TSHZ1: variants seen among roughly 807,000 people sequenced by gnomAD.
TSHZ1 encodes the protein teashirt zinc finger homeobox 1, also known as teashirt homolog 1.
TSHZ1 carries 12 observed loss-of-function variants against 67.1 expected under a neutral mutation model. The observed-to-expected ratio is 0.18, with a 90% CI of 0.11 to 0.29. The LOEUF (loss-of-function observed/expected upper bound fraction) is 0.29, where lower values mean the gene tolerates loss of function less well. Among genes scored for constraint, TSHZ1 ranks in the 10% least tolerant of loss-of-function variants. The pLI is 1.00. For missense variants in TSHZ1, 1,305 were observed against 1,413.9 expected, an observed-to-expected ratio of 0.92 and a Z score of 1.23; for synonymous variants, 632 against 622.4, an observed-to-expected ratio of 1.02 and a Z score of -0.23.
At position 75,288,648 on chromosome 18, in the gene TSHZ1, G is replaced by A; in HGVS notation, c.*7G>A. ...TGAGTTGGAGAAACAGTAGCGTCCA[G>A]GTATGCAAGAGACCGCGGAACATTG... On this transcript the variant is annotated 3_prime_UTR_variant, in exon 2 of 2. Transcript: ENST00000580243. The surrounding 1 kb of genome is among the most constrained non-coding windows in gnomAD (Gnocchi z 4.9). The A allele has an allele frequency of 3.2e-6, 5 of 1,576,892 alleles. No homozygotes were observed. The East Asian group carries it at 1.1e-4, about 35-fold the overall frequency.
intron 1 of TSHZ1, among the ~76,000 whole-genome samples, chr18:75,276,594 A>G (rs1365108974): frequency 2.0e-5 from 3 of 152,352 alleles, no homozygotes; most frequent in Non-Finnish European, 4.4e-5. Context: ...AGATTCTACA[A>G]TGAATCGAAG....
chr18:75,213,776 T>C (rs1162463274), intron 1 of TSHZ1, among the ~76,000 whole-genome samples: 1 of 152,220 alleles, frequency 6.6e-6, no homozygotes, highest in Non-Finnish European at 1.5e-5. Flanking sequence ...GGCACATATA[T>C]CATTGGCTTT....
intron 1 of TSHZ1, among the ~76,000 whole-genome samples, chr18:75,264,260 C>T (rs947890849): frequency 6.6e-6 from 1 of 152,172 alleles, no homozygotes; most frequent in Admixed American, 6.5e-5. Context: ...AATATGTCAT[C>T]CAGTAAATAT....
At chr18:75,270,431 C>A (rs909824887) in intron 1 of TSHZ1, among the ~76,000 whole-genome samples, 3 of 152,224 alleles carry the variant, frequency 2.0e-5, no homozygotes, top group Non-Finnish European at 4.4e-5. Flanking sequence ...GCTGGTTGAG[C>A]AGATATTCTG....
chr18:75,233,424 A>G (rs768248905), intron 1 of TSHZ1, among the ~76,000 whole-genome samples: 31 of 152,240 alleles, frequency 2.0e-4, no homozygotes, highest in Non-Finnish European at 3.5e-4. Flanking sequence ...AAATATAGTG[A>G]CAATACTAAA....
chr18:75,228,455 T>C (rs150183591), intron 1 of TSHZ1, among the ~76,000 whole-genome samples: 1 of 152,328 alleles, frequency 6.6e-6, no homozygotes, highest in African/African-American at 2.4e-5. Context: ...GTTAAGATGC[T>C]ATTTATTTGA....
chr18:75,231,366 G>A (rs894053882), intron 1 of TSHZ1, among the ~76,000 whole-genome samples: 1 of 152,220 alleles, frequency 6.6e-6, no homozygotes, highest in African/African-American at 2.4e-5. Flanking sequence ...CAGTTGCTTG[G>A]TGTGAGTCCT....
intron 1 of TSHZ1, among the ~76,000 whole-genome samples, chr18:75,230,966 T>TA (rs908623618): frequency 2.6e-5 from 4 of 152,064 alleles, no homozygotes; most frequent in Admixed American, 6.6e-5. Flanking sequence ...ATAAGCCAGT[T>TA]AAAAAAAACC....
chr18:75,285,520 T>C lies in TSHZ1; in HGVS notation c.113T>C (p.Leu38Ser), dbSNP rs2023740186. The C allele has an allele frequency of 3.9e-6, 6 of 1,546,702 alleles. No homozygotes were observed. The highest frequency in any genetic ancestry group is 5.3e-6 in the Non-Finnish European group (6 of 1,142,252). The change falls in exon 2 of 2, where the codon TTG becomes TCG. Residue 38 changes from leucine (L) to serine (S), a missense_variant. This residue lies in a region of TSHZ1 where 358 missense variants were observed against 375.6 expected (regional missense o/e 0.95). Coordinates refer to ENST00000580243, the MANE Select transcript of TSHZ1 (RefSeq NM_001308210.2). Reference sequence around the variant, plus strand: ...CACGTGGAGGATGACGGGCTGTCTTTGGACATTCAGGAAAGTGAGTACATG... The same window carrying C: ...CACGTGGAGGATGACGGGCTGTCTTCGGACATTCAGGAAAGTGAGTACATG... ...EEHVEDDGLS[L>S]DIQESEYMCN...
chr18:75,217,150 G>A (rs2022780253), intron 1 of TSHZ1, among the ~76,000 whole-genome samples: 1 of 152,236 alleles, frequency 6.6e-6, no homozygotes, highest in African/African-American at 2.4e-5. Context: ...TGTGTGTGGG[G>A]CAAAGTGCCT....
At chr18:75,214,166 A>G (rs1156529260) in intron 1 of TSHZ1, among the ~76,000 whole-genome samples, 1 of 152,256 alleles carries the variant, frequency 6.6e-6, no homozygotes, top group Non-Finnish European at 1.5e-5. Context: ...CATAAAAAGC[A>G]TTAACGTGGA....
chr18:75,275,365 G>A (rs149694881), intron 1 of TSHZ1, among the ~76,000 whole-genome samples: 7 of 152,264 alleles, frequency 4.6e-5, no homozygotes, highest in East Asian at 1.9e-4. Context: ...AGAGTACAGC[G>A]TGCAGTGCTG....
Position 75,285,892 on chromosome 18 carries a change from C to A in TSHZ1, c.485C>A (p.Thr162Asn). The A allele has an allele frequency of 6.5e-7, 1 of 1,537,038 alleles. No homozygotes were observed. The highest frequency in any genetic ancestry group is 8.8e-7 in the Non-Finnish European group (1 of 1,139,532). The change falls in exon 2 of 2, where the codon ACC becomes AAC. Residue 162 changes from threonine to asparagine, a missense_variant. Thr to Asn is a moderately conservative substitution (Grantham distance 65). This residue lies in a region of TSHZ1 where 358 missense variants were observed against 375.6 expected (regional missense o/e 0.95). Coordinates refer to ENST00000580243, the MANE Select transcript of TSHZ1 (RefSeq NM_001308210.2). ...TCCGCCCCCACCCCCACACCCCCCA[C>A]CTGCCCCGTCAGCACCACTGGCCCC... ...ESSAPTPTPP[T>N]CPVSTTGPTT...
rs761292589 is a variant in TSHZ1, at chr18:75,286,727, C to T, written c.1320C>T (p.His440=). The T allele has an allele frequency of 1.1e-5, 18 of 1,613,736 alleles. No individual in the cohort carries two copies. In the Admixed American group the frequency reaches 2.8e-4, roughly 25 times the overall value. The change falls in exon 2 of 2, where the codon CAC becomes CAT. Residue 440 remains histidine, a synonymous_variant. Transcript: ENST00000580243. This position sits in a 1 kb window ranked among gnomAD's most constrained non-coding sequence, Gnocchi z 5.1. ...CCGCCCACATGATGGTCACCGGGCA[C>T]TTCCTGAAAGTGACCACCTCGGCTT... ...QLTAHMMVTG[H]FLKVTTSASK...
At chr18:75,264,995 G>T (rs2023473497) in intron 1 of TSHZ1, among the ~76,000 whole-genome samples, 1 of 152,100 alleles carries the variant, frequency 6.6e-6, no homozygotes, top group South Asian at 2.1e-4. Flanking sequence ...AGATTTTTTG[G>T]CTTAAATTGG....
chr18:75,235,535 A>G (rs1287651236), intron 1 of TSHZ1, among the ~76,000 whole-genome samples: 3 of 152,200 alleles, frequency 2.0e-5, no homozygotes, highest in East Asian at 3.8e-4. Flanking sequence ...TATCTATCCA[A>G]TACATACTCA....
chr18:75,236,732 C>G (rs1230282913), intron 1 of TSHZ1, among the ~76,000 whole-genome samples: 3 of 151,990 alleles, frequency 2.0e-5, no homozygotes, highest in Non-Finnish European at 4.4e-5. Context: ...GCTGAATTGA[C>G]TATATTCCTG....
chr18:75,259,399 T>A (rs1357502418), intron 1 of TSHZ1, among the ~76,000 whole-genome samples: 1 of 152,194 alleles, frequency 6.6e-6, no homozygotes, highest in Non-Finnish European at 1.5e-5. Context: ...TGCATAAGTT[T>A]TAAGTTGTGT....
In TSHZ1 at chr18:75,286,713, A is replaced by T; in HGVS notation, c.1306A>T (p.Met436Leu). ...GCTGCAGCAGCTCACCGCCCACATG[A>T]TGGTCACCGGGCACTTCCTGAAAGT... The part of the protein sequence containing the change: ...DTLQQLTAHM[M>L]VTGHFLKVTT... The change falls in exon 2 of 2, where the codon ATG (methionine) becomes TTG (leucine). Residue 436 changes from methionine (M) to leucine (L), a missense_variant. Coordinates refer to ENST00000580243, the MANE Select transcript of TSHZ1 (RefSeq NM_001308210.2). This position sits in a 1 kb window ranked among gnomAD's most constrained non-coding sequence, Gnocchi z 5.1. 6.2e-7 allele frequency: 1 copy of T among 1,613,952 alleles called. No homozygotes were observed. The highest frequency in any genetic ancestry group is 8.5e-7 in the Non-Finnish European group (1 of 1,180,024).
Sources: gnomAD v4.1 joint callset for allele counts (sites outside exome capture counted in the v4.1 genomes callset) on GRCh38, gnomAD v4.1.1 for gene constraint, gnomAD v4.1.1 regional missense constraint, Gnocchi (gnomAD v3.1) non-coding constraint, MANE v1.5 for transcripts, NCBI Gene and HGNC (gene_info 2026-07-23, HGNC 2026-07-21) for gene names.